GALNTL6: variants seen among roughly 807,000 people sequenced by gnomAD.
GALNTL6 encodes polypeptide N-acetylgalactosaminyltransferase like 6, also known as polypeptide N-acetylgalactosaminyltransferase-like 6.
In GALNTL6, 46 loss-of-function variants were observed where a neutral mutation model predicts 73.7. The observed-to-expected ratio is 0.62, with a 90% CI of 0.49 to 0.80. The LOEUF (loss-of-function observed/expected upper bound fraction) is 0.80, where lower values mean the gene tolerates loss of function less well. GALNTL6 is among the 30% of genes least tolerant of loss of function. The probability of loss-of-function intolerance (pLI) is 0.00; values close to 1 mark genes in which losing one functional copy is unlikely to be tolerated. For synonymous variants in GALNTL6, 259 were observed against 263.7 expected, an observed-to-expected ratio of 0.98 and a Z score of 0.17; for missense variants, 604 against 755.0, an observed-to-expected ratio of 0.80 and a Z score of 2.34.
At chr4:172,085,805 G>A (rs531878726) in intron 2 of GALNTL6, among the ~76,000 whole-genome samples, 1 of 152,072 alleles carries the variant, frequency 6.6e-6, no homozygotes, top group South Asian at 2.1e-4. Context: ...CTTCCAGGAA[G>A]TAGTCTAAAG....
At chr4:172,374,603 A>G (rs947078132) in intron 5 of GALNTL6, among the ~76,000 whole-genome samples, 1 of 152,178 alleles carries the variant, frequency 6.6e-6, no homozygotes, top group African/African-American at 2.4e-5. Context: ...TAGTCCTTCT[A>G]GAACACAGGT....
chr4:172,305,368 G>A (rs1258306815), intron 3 of GALNTL6, among the ~76,000 whole-genome samples: 2 of 151,956 alleles, frequency 1.3e-5, no homozygotes, highest in African/African-American at 4.8e-5. Context: ...TATTTAATTT[G>A]TATATTTTGA....
chr4:172,191,450 G>A (rs936036037), intron 2 of GALNTL6, among the ~76,000 whole-genome samples: 4 of 152,080 alleles, frequency 2.6e-5, no homozygotes, highest in African/African-American at 9.7e-5. Context: ...TTAGCTCTTT[G>A]CTGGGTAAAG....
intron 8 of GALNTL6, among the ~76,000 whole-genome samples, chr4:172,898,324 ACG>A (rs981692199): frequency 2.9e-5 from 4 of 139,342 alleles, no homozygotes; most frequent in Non-Finnish European, 3.1e-5. Context: ...ACACACACAC[ACG>A]TATAAGATAA....
At chr4:172,382,289 T>C (rs1201119066) in intron 5 of GALNTL6, among the ~76,000 whole-genome samples, 2 of 152,066 alleles carry the variant, frequency 1.3e-5, no homozygotes, top group African/African-American at 4.8e-5. Flanking sequence ...TTTTTTTTTT[T>C]TAAGTTTGGT....
chr4:172,383,806 T>G (rs1225421182), intron 5 of GALNTL6, among the ~76,000 whole-genome samples: 1 of 152,104 alleles, frequency 6.6e-6, no homozygotes, highest in Non-Finnish European at 1.5e-5. Context: ...TTATTTTTCT[T>G]GAAAGCTCTT....
chr4:171,988,857 G>A (rs2877687), intron 2 of GALNTL6, among the ~76,000 whole-genome samples: 130,501 of 151,884 alleles, frequency 0.86, 56,674 homozygotes, highest in South Asian at 0.92. Context: ...GGGAGTAGAG[G>A]TGTCTTATAC....
chr4:171,989,728 T>A (rs1248393720), intron 2 of GALNTL6, among the ~76,000 whole-genome samples: 1 of 152,236 alleles, frequency 6.6e-6, no homozygotes, highest in Non-Finnish European at 1.5e-5. Flanking sequence ...ATTTTTGCAG[T>A]TTTATTTAAT....
chr4:172,023,228 G>A (rs1218799235), intron 2 of GALNTL6, among the ~76,000 whole-genome samples: 3 of 151,528 alleles, frequency 2.0e-5, no homozygotes, highest in Non-Finnish European at 4.4e-5. Flanking sequence ...AAATAACCAT[G>A]CCTTCTGATA....
chr4:171,874,949 C>T (rs1177528466), intron 2 of GALNTL6, among the ~76,000 whole-genome samples: 2 of 152,120 alleles, frequency 1.3e-5, no homozygotes, highest in Non-Finnish European at 2.9e-5. Context: ...TAAAATCACC[C>T]TGCAGAAATG....
At chr4:172,905,094 G>A (rs747192930) in intron 8 of GALNTL6, among the ~76,000 whole-genome samples, 8 of 152,024 alleles carry the variant, frequency 5.3e-5, no homozygotes, top group South Asian at 2.1e-4. Context: ...GAAAAGTAAC[G>A]GGTTAGCACT....
rs999236876 is a variant in GALNTL6 at position 172,658,613 on chromosome 4, T to A, written c.554-150748T>A. 2.6e-5 allele frequency among the ~76,000 whole-genome samples: 4 copies of A among 151,938 alleles called. No homozygotes were observed. In the East Asian group the frequency reaches 7.7e-4, roughly 29 times the overall value. ...CAGGAATGAAATGTCTTCCCAAGAA[T>A]CCCCGATGATATTAGGAAGCACATC... On this transcript the variant is annotated intron_variant, in intron 5 of 12. Transcript: ENST00000506823.
intron 5 of GALNTL6, among the ~76,000 whole-genome samples, chr4:172,790,896 CAAAAAAAAA>C (rs770813700): frequency 1.4e-5 from 1 of 71,444 alleles, no homozygotes; most frequent in South Asian, 5.6e-4. Flanking sequence ...GAGACTCCAT[CAAAAAAAAA>C]AAAAAAAAAA....
chr4:172,179,088 C>A (rs923112590), intron 2 of GALNTL6, among the ~76,000 whole-genome samples: 64 of 146,250 alleles, frequency 4.4e-4, no homozygotes, highest in Admixed American at 8.9e-4. Flanking sequence ...CAAGTCTTTG[C>A]TATTGTGAAT....
At chr4:173,014,665 G>A (rs920586728) in intron 11 of GALNTL6, among the ~76,000 whole-genome samples, 2 of 152,096 alleles carry the variant, frequency 1.3e-5, no homozygotes, top group Non-Finnish European at 2.9e-5. Context: ...TGTATCTCAG[G>A]TTTCTGCAAA....
intron 3 of GALNTL6, among the ~76,000 whole-genome samples, chr4:172,296,582 A>G (rs951800250): frequency 5.3e-5 from 8 of 151,986 alleles, no homozygotes; most frequent in African/African-American, 1.9e-4. Context: ...CTCATTGTTC[A>G]GTTCCCACCT....
chr4:172,586,058 G>C (rs1017604173), intron 5 of GALNTL6, among the ~76,000 whole-genome samples: 23 of 152,324 alleles, frequency 1.5e-4, no homozygotes, highest in African/African-American at 5.3e-4. Flanking sequence ...TACACTGTTG[G>C]TAGGAGTCTA....
chr4:171,967,450 T>TTTTGTTTTTTTTTG (rs1553976654), intron 2 of GALNTL6, among the ~76,000 whole-genome samples: 1 of 133,364 alleles, frequency 7.5e-6, no homozygotes, highest in Non-Finnish European at 1.5e-5. Flanking sequence ...CCTATGGGTT[T>TTTTGTTTTTTTTTG]TTTTTTTTTT....
intron 5 of GALNTL6, chr4:172,379,912 G>C (rs1395925854): frequency 3.5e-6 from 2 of 570,226 alleles, no homozygotes; most frequent in African/African-American, 3.8e-5. Flanking sequence ...AAGGACTGAA[G>C]AAGTCTGGGC....
Sources: gnomAD v4.1 joint callset for allele counts (sites outside exome capture counted in the v4.1 genomes callset) on GRCh38, gnomAD v4.1.1 for gene constraint, MANE v1.5 for transcripts, NCBI Gene and HGNC (gene_info 2026-07-23, HGNC 2026-07-21) for gene names.